Variants in PRKN observed in about 807,000 individuals in gnomAD.
The protein encoded by PRKN is parkin RBR E3 ubiquitin protein ligase.
PRKN carries 56 observed loss-of-function variants against 59.5 expected under a neutral mutation model. The ratio of observed to expected loss-of-function variants is 0.94; its 90% CI spans 0.76 to 1.18. PRKN has a LOEUF of 1.18. Among genes scored for constraint, PRKN ranks in the 50% most tolerant of loss-of-function variants. The pLI is 0.00. For missense variants in PRKN, 657 were observed against 596.4 expected (o/e 1.10, Z -1.06); for synonymous variants, 250 against 222.1 (o/e 1.13, Z -1.12).
intron 6 of PRKN, among the ~76,000 whole-genome samples, chr6:161,794,460 CCT>C (rs1790759003): frequency 6.6e-6 from 1 of 152,100 alleles, no homozygotes; most frequent in South Asian, 2.1e-4. Context: ...CCCTGGACCC[CCT>C]GTCTGATCCC....
intron 6 of PRKN, among the ~76,000 whole-genome samples, chr6:161,935,596 G>GT (rs895396741): frequency 7.9e-4 from 119 of 151,046 alleles, no homozygotes; most frequent in African/African-American, 2.5e-3. Flanking sequence ...AGGATAAGAC[G>GT]TGAGTATGAA....
At position 161,730,773 on chromosome 6, in the gene PRKN, C is replaced by T. The variant is rs527748114; in HGVS notation, c.871+54999G>A. ...TGCATTCTGATGTGTTGTATTCTTT[C>T]TGGTGTGTTGCATTCTGAAGTGTTG... On this transcript the variant is annotated intron_variant, in intron 7 of 11. Transcript: ENST00000366898. Among the ~76,000 whole-genome samples, 287 of 151,894 alleles carry T rather than the reference C, an allele frequency of 1.9e-3. 2 individuals are homozygous for T. Among genetic ancestry groups the T allele is most frequent in the African/African-American group, 6.8e-3 (280 of 41,370 alleles).
rs187652437 is a variant in PRKN, at chr6:161,556,630, A to G, written c.934-7627T>C. The stretch of plus-strand genomic sequence containing the variant: ...TATCTCAGTATAAAATATGTGTGAT[A>G]ATGGTAAAGTAACTAATAAATCTAC... On this transcript the variant is annotated intron_variant, in intron 8 of 11. Coordinates refer to ENST00000366898, the MANE Select transcript of PRKN (RefSeq NM_004562.3). Among the ~76,000 whole-genome samples, 4 of 152,354 alleles carry G rather than the reference A, an allele frequency of 2.6e-5. No homozygotes were observed. In the East Asian group the frequency reaches 7.7e-4, roughly 29 times the overall value.
chr6:162,136,928 A>C (rs1384454167), intron 4 of PRKN, among the ~76,000 whole-genome samples: 1 of 152,050 alleles, frequency 6.6e-6, no homozygotes, highest in Non-Finnish European at 1.5e-5. Flanking sequence ...ATTTATTAAA[A>C]TATTTACTTT....
chr6:162,103,764 C>T (rs1187182394), intron 4 of PRKN, among the ~76,000 whole-genome samples: 1 of 152,168 alleles, frequency 6.6e-6, no homozygotes. Context: ...GGGACCTAGC[C>T]TCAGACGGCA....
intron 4 of PRKN, among the ~76,000 whole-genome samples, chr6:162,190,270 T>C (rs60883055): frequency 0.19 from 29,629 of 152,080 alleles, 6,434 homozygotes; most frequent in African/African-American, 0.52. Context: ...TTTTTCCCAG[T>C]ACGCAATACT....
rs9458239 is a variant in PRKN, at chr6:161,378,347, C to G, written c.1167+8447G>C. 6.6e-6 allele frequency among the ~76,000 whole-genome samples: 1 copy of G among 152,046 alleles called. No individual in the cohort carries two copies. The highest frequency in any genetic ancestry group is 6.5e-5 in the Admixed American group (1 of 15,272). ...GGTGGTGAGGTGAAGCCCTGCCAGGCCCCCCAGCTCGGGCATCCCCCCATC... is the reference window on the plus strand; with the variant it reads ...GGTGGTGAGGTGAAGCCCTGCCAGGGCCCCCAGCTCGGGCATCCCCCCATC... On this transcript the variant is annotated intron_variant, in intron 10 of 11. Transcript: ENST00000366898. This position sits in a 1 kb window ranked among gnomAD's most constrained non-coding sequence, Gnocchi z 7.3.
chr6:162,434,511 GA>G (rs966119033), intron 2 of PRKN, among the ~76,000 whole-genome samples: 7 of 150,586 alleles, frequency 4.6e-5, no homozygotes, highest in South Asian at 4.2e-4. Context: ...CCTAATATTT[GA>G]AAAAAAAAGT....
At chr6:162,249,009 C>G (rs1171052130) in intron 3 of PRKN, among the ~76,000 whole-genome samples, 3 of 151,666 alleles carry the variant, frequency 2.0e-5, no homozygotes, top group Admixed American at 6.6e-5. Context: ...CTCCCGAGTA[C>G]CTGGGACTAC....
intron 7 of PRKN, among the ~76,000 whole-genome samples, chr6:161,668,522 A>G (rs2128168034): frequency 6.6e-6 from 1 of 152,292 alleles, no homozygotes; most frequent in South Asian, 2.1e-4. Context: ...TCTAATGTTG[A>G]TCACCATCAT....
intron 2 of PRKN, among the ~76,000 whole-genome samples, chr6:162,294,619 G>A (rs1434397687): frequency 5.3e-5 from 8 of 152,054 alleles, no homozygotes; most frequent in South Asian, 2.1e-4. Context: ...TTGGGCAACT[G>A]GAAAAGGAAA....
At position 161,545,542 on chromosome 6, in the gene PRKN, A is replaced by G. The variant is rs1779767009; in HGVS notation, c.1083+3312T>C. 2 of 848,936 alleles carry G rather than the reference A, an allele frequency of 2.4e-6. No homozygotes were observed. Among genetic ancestry groups the G allele is most frequent in the African/African-American group, 3.3e-5 (2 of 59,976 alleles). 52.6% of individuals were successfully genotyped at this position (848,936 alleles called of 1,614,324 possible). ...ATAATCTAACCACAATTTCTTCCAG[A>G]CAATGGCTTTCCATTACACTCCTTA... On this transcript the variant is annotated intron_variant, in intron 9 of 11. Transcript: ENST00000366898. This position sits in a 1 kb window ranked among gnomAD's most constrained non-coding sequence, Gnocchi z 4.1.
chr6:161,506,946 C>T (rs751597045), intron 9 of PRKN, among the ~76,000 whole-genome samples: 2 of 152,086 alleles, frequency 1.3e-5, no homozygotes, highest in Non-Finnish European at 2.9e-5. Context: ...TCACAGGAGG[C>T]TGAGGAGGGG....
intron 4 of PRKN, among the ~76,000 whole-genome samples, chr6:162,062,798 C>G (rs1327143601): frequency 6.6e-6 from 1 of 152,150 alleles, no homozygotes; most frequent in East Asian, 1.9e-4. Context: ...TGGAAATGTT[C>G]TTTATCATGA....
chr6:162,637,602 C>T (rs1777778582), intron 1 of PRKN, among the ~76,000 whole-genome samples: 1 of 152,146 alleles, frequency 6.6e-6, no homozygotes, highest in South Asian at 2.1e-4. Context: ...AGCTTGAAAT[C>T]AGGAAGAAGT....
In PRKN at chr6:161,448,113, T is replaced by G. The variant is rs1789575428; in HGVS notation, c.1084-61236A>C. Among the ~76,000 whole-genome samples the G allele has an allele frequency of 6.6e-6, 1 of 152,188 alleles. No homozygotes were observed. The highest frequency in any genetic ancestry group is 6.5e-5 in the Admixed American group (1 of 15,282). ...CAACAGTAGCCAATCAAATCTTACATCTGTGTGTTAGCCGTTGTATGGAAA... is the reference window on the plus strand; with the variant it reads ...CAACAGTAGCCAATCAAATCTTACAGCTGTGTGTTAGCCGTTGTATGGAAA... On this transcript the variant is annotated intron_variant, in intron 9 of 11. Transcript: ENST00000366898. The surrounding 1 kb of genome is among the most constrained non-coding windows in gnomAD (Gnocchi z 5.1).
At chr6:161,577,430 A>G (rs1477122587) in intron 7 of PRKN, among the ~76,000 whole-genome samples, 1 of 152,248 alleles carries the variant, frequency 6.6e-6, no homozygotes, top group East Asian at 1.9e-4. Flanking sequence ...AGGCTGAATA[A>G]AAATTCAATA....
rs117355081 is a variant in PRKN, at chr6:161,772,485, C to T, written c.871+13287G>A. 5.8e-4 allele frequency among the ~76,000 whole-genome samples: 89 copies of T among 152,258 alleles called. No homozygotes were observed. The East Asian group carries it at 0.014, about 24-fold the overall frequency. On this transcript the variant is annotated intron_variant, in intron 7 of 11. Transcript: ENST00000366898. ...ATGTTCTGATATAGGCCGTGGGGCTCGCTGAGGTGGAACCACCCAAAACAC... is the reference window on the plus strand; with the variant it reads ...ATGTTCTGATATAGGCCGTGGGGCTTGCTGAGGTGGAACCACCCAAAACAC...
At chr6:161,705,248 C>T (rs1431573405) in intron 7 of PRKN, among the ~76,000 whole-genome samples, 1 of 152,190 alleles carries the variant, frequency 6.6e-6, no homozygotes, top group Non-Finnish European at 1.5e-5. Context: ...ATACACCTAA[C>T]CCACCGAACA....
Sources: allele counts gnomAD v4.1 joint callset (sites outside exome capture counted in the v4.1 genomes callset), GRCh38; gene constraint gnomAD v4.1.1; non-coding constraint Gnocchi (gnomAD v3.1); transcripts MANE v1.5; gene names NCBI Gene and HGNC (gene_info 2026-07-23, HGNC 2026-07-21).